Variants in GALNT13 observed in about 807,000 individuals in gnomAD.
GALNT13 encodes polypeptide N-acetylgalactosaminyltransferase 13.
A neutral mutation model predicts 64.2 loss-of-function variants in GALNT13; 28 were observed. The ratio of observed to expected loss-of-function variants is 0.44; its 90% CI spans 0.32 to 0.60. The LOEUF is 0.60. Among genes scored for constraint, GALNT13 ranks in the 20% least tolerant of loss-of-function variants. The probability of loss-of-function intolerance (pLI) is 0.05; values close to 1 mark genes in which losing one functional copy is unlikely to be tolerated. For synonymous variants in GALNT13, 214 were observed against 224.6 expected, an observed-to-expected ratio of 0.95 and a Z score of 0.42; for missense variants, 577 against 669.8, an observed-to-expected ratio of 0.86 and a Z score of 1.53.
At chr2:153,526,704 A>C in the GALNT13 span, among the ~76,000 whole-genome samples, 1 of 152,210 alleles carries the variant, frequency 6.6e-6, no homozygotes, top group Non-Finnish European at 1.5e-5. Context: ...TTAAATAAAT[A>C]AGGCATCAGA....
the GALNT13 span, among the ~76,000 whole-genome samples, chr2:153,739,613 G>T: frequency 8.0e-6 from 1 of 125,712 alleles, no homozygotes; most frequent in African/African-American, 2.8e-5. Flanking sequence ...TATTAAAAAT[G>T]AGATTTTATT....
the GALNT13 span, among the ~76,000 whole-genome samples, chr2:153,249,588 A>T: frequency 2.0e-5 from 3 of 152,222 alleles, no homozygotes; most frequent in Non-Finnish European, 1.5e-5. Context: ...AAGCAAAAAG[A>T]ACAAAACTGG....
the GALNT13 span, among the ~76,000 whole-genome samples, chr2:153,858,604 C>A: frequency 6.6e-6 from 1 of 152,096 alleles, no homozygotes; most frequent in African/African-American, 2.4e-5. Flanking sequence ...TGTATTGTCA[C>A]AATTGCTCTA....
At chr2:154,406,785 A>T (rs941500284) in intron 10 of GALNT13, among the ~76,000 whole-genome samples, 2 of 152,056 alleles carry the variant, frequency 1.3e-5, no homozygotes, top group Admixed American at 6.6e-5. Context: ...GAAGGAAGAG[A>T]CTGTGTTTAT....
the GALNT13 span, among the ~76,000 whole-genome samples, chr2:153,365,611 G>A: frequency 6.6e-6 from 1 of 152,162 alleles, no homozygotes; most frequent in South Asian, 2.1e-4. Flanking sequence ...CTCAAAAGAA[G>A]ACATTCATGT....
the GALNT13 span, among the ~76,000 whole-genome samples, chr2:153,350,414 G>A: frequency 1.4e-5 from 2 of 139,994 alleles, no homozygotes; most frequent in Non-Finnish European, 3.0e-5. Context: ...ACGGAGTTGC[G>A]TTCTGTTGCC....
chr2:153,702,117 T>C, the GALNT13 span, among the ~76,000 whole-genome samples: 2 of 152,128 alleles, frequency 1.3e-5, no homozygotes, highest in Non-Finnish European at 2.9e-5. Flanking sequence ...AAAGAAAATA[T>C]GGTACATATA....
intron 8 of GALNT13, among the ~76,000 whole-genome samples, chr2:154,294,423 C>T (rs1438669244): frequency 2.0e-5 from 3 of 152,150 alleles, no homozygotes; most frequent in Non-Finnish European, 4.4e-5. Flanking sequence ...ACCATTGGAA[C>T]CCTACTTTAA....
chr2:153,359,885 A>G, the GALNT13 span, among the ~76,000 whole-genome samples: 1 of 152,188 alleles, frequency 6.6e-6, no homozygotes, highest in Non-Finnish European at 1.5e-5. Flanking sequence ...CAATTGAAAT[A>G]CGAGAAATGA....
chr2:153,495,535 G>T, the GALNT13 span, among the ~76,000 whole-genome samples: 2 of 152,116 alleles, frequency 1.3e-5, no homozygotes, highest in East Asian at 3.9e-4. Flanking sequence ...TTTGTTTCAT[G>T]AATTCAAAAA....
the GALNT13 span, among the ~76,000 whole-genome samples, chr2:153,861,005 T>C: frequency 8.5e-5 from 13 of 152,190 alleles, no homozygotes; most frequent in African/African-American, 3.1e-4. Context: ...AGCAGTGATA[T>C]GTATCTAAAG....
At chr2:153,731,198 C>T in the GALNT13 span, among the ~76,000 whole-genome samples, 2 of 148,224 alleles carry the variant, frequency 1.3e-5, no homozygotes, top group African/African-American at 2.6e-5. Context: ...TATATGTTGC[C>T]TTTTGCAGCA....
At chr2:153,396,817 T>C in the GALNT13 span, among the ~76,000 whole-genome samples, 2 of 152,096 alleles carry the variant, frequency 1.3e-5, no homozygotes, top group Non-Finnish European at 2.9e-5. Context: ...AGAATTTCAG[T>C]TTATTAGGAA....
At chr2:153,261,991 A>G in the GALNT13 span, among the ~76,000 whole-genome samples, 1 of 152,080 alleles carries the variant, frequency 6.6e-6, no homozygotes, top group Admixed American at 6.6e-5. Context: ...ACTGTACAAA[A>G]ATGCCACCCA....
the GALNT13 span, chr2:153,593,100 T>G: frequency 0.018 from 2,770 of 152,450 alleles, 62 homozygotes; most frequent in African/African-American, 0.054. Flanking sequence ...TGGCCAGAAC[T>G]CGGGGGAGGG....
chr2:153,127,416 A>G, the GALNT13 span, among the ~76,000 whole-genome samples: 1 of 152,176 alleles, frequency 6.6e-6, no homozygotes, highest in Non-Finnish European at 1.5e-5. Flanking sequence ...AAGTCACAGA[A>G]GAAGATGACT....
chr2:153,522,619 G>A, the GALNT13 span, among the ~76,000 whole-genome samples: 1 of 152,022 alleles, frequency 6.6e-6, no homozygotes, highest in African/African-American at 2.4e-5. Flanking sequence ...AGACATATGT[G>A]GAGCATCTTT....
chr2:154,007,780 T>A (rs1236953215), intron 3 of GALNT13, among the ~76,000 whole-genome samples: 1 of 151,988 alleles, frequency 6.6e-6, no homozygotes, highest in African/African-American at 2.4e-5. Flanking sequence ...TACTCTTTAC[T>A]GTTTTTACAC....
chr2:153,690,184 C>G, the GALNT13 span, among the ~76,000 whole-genome samples: 1 of 152,124 alleles, frequency 6.6e-6, no homozygotes, highest in Non-Finnish European at 1.5e-5. Flanking sequence ...CAAATTTTCA[C>G]ATAGTTCCTG....
Sources: allele counts gnomAD v4.1 joint callset (sites outside exome capture counted in the v4.1 genomes callset), GRCh38; gene constraint gnomAD v4.1.1; transcripts MANE v1.5; gene names NCBI Gene and HGNC (gene_info 2026-07-23, HGNC 2026-07-21).